Variants in ABTB1 observed in about 807,000 individuals in gnomAD.
The protein encoded by ABTB1 is ankyrin repeat and BTB domain containing 1.
ABTB1 carries 45 observed loss-of-function variants against 57.1 expected under a neutral mutation model. The observed-to-expected ratio is 0.79, with a 90% CI of 0.62 to 1.01. The LOEUF is 1.01. Among genes scored for constraint, ABTB1 ranks in the 50% least tolerant of loss-of-function variants. ABTB1 has a pLI of 0.00. For synonymous variants in ABTB1, 302 were observed against 275.4 expected (o/e 1.10, Z -0.95); for missense variants, 630 against 666.3 (o/e 0.95, Z 0.60).
intron 3 of ABTB1, among the ~76,000 whole-genome samples, chr3:127,675,096 C>T (rs1284749081): frequency 1.3e-5 from 2 of 152,078 alleles, no homozygotes; most frequent in Non-Finnish European, 2.9e-5. Context: ...CTGTTCCTGC[C>T]CCAGGGCCTT....
chr3:127,673,035 A>G lies in ABTB1; in HGVS notation c.10A>G (p.Ser4Gly). ...TACCATCCTCCGCGCCATGGACACC[A>G]GCGACCTGTTCGCCAGCTGCAGGAA... is the stretch of plus-strand genomic sequence containing the variant. MDT[S>G]DLFASCRKGD... Residue 4 changes from serine to glycine, a missense_variant, in exon 1 of 12, where the codon AGC becomes GGC. Around this residue, in one of 3 missense-constraint regions of ABTB1, gnomAD observed 579 missense variants for 585.9 expected, o/e 0.99. Transcript: ENST00000232744. 1 of 1,572,434 alleles carries G rather than the reference A, an allele frequency of 6.4e-7. No homozygotes were observed. The highest frequency in any genetic ancestry group is 1.8e-5 in the Admixed American group (1 of 56,334).
At position 127,676,685 on chromosome 3, in the gene ABTB1, A is replaced by C; in HGVS notation, c.526+104A>C. On this transcript the variant is annotated intron_variant, in intron 6 of 11. Coordinates refer to ENST00000232744, the MANE Select transcript of ABTB1 (RefSeq NM_172027.3). The surrounding 1 kb of genome is among the most constrained non-coding windows in gnomAD (Gnocchi z 5.4). ...CTGACCTTTCACCTCTAGACACTTCATGGTCCCCCCGGGGTGGTTCCAGCT... is the reference window on the plus strand; with the variant it reads ...CTGACCTTTCACCTCTAGACACTTCCTGGTCCCCCCGGGGTGGTTCCAGCT... 6.8e-7 allele frequency: 1 copy of C among 1,464,282 alleles called. No homozygotes were observed. Among genetic ancestry groups the C allele is most frequent in the Non-Finnish European group, 9.5e-7 (1 of 1,055,248 alleles). 90.7% of individuals were successfully genotyped at this position (1,464,282 alleles called of 1,614,324 possible).
intron 10 of ABTB1, chr3:127,679,140 G>T (rs369821814): frequency 8.9e-4 from 155 of 174,452 alleles, no homozygotes; most frequent in African/African-American, 3.5e-3. Context: ...TTGTCTCAGA[G>T]TGTGGCTTGG....
Position 127,674,582 on chromosome 3 carries a change from C to G in ABTB1, c.157C>G (p.Leu53Val). 2 of 1,614,194 alleles carry G rather than the reference C, an allele frequency of 1.2e-6. No homozygotes were observed. Among genetic ancestry groups the G allele is most frequent in the South Asian group, 2.2e-5 (2 of 91,086 alleles). Reference protein sequence around the residue: ...ACLCGHEELVLYLLANGARCE... With the variant: ...ACLCGHEELVVYLLANGARCE... ...CTTGTGTGGGCACGAGGAGCTGGTA[C>G]TCTACCTTCTGGCCAATGGTGAGAG... Residue 53 changes from leucine (L) to valine (V), a missense_variant, in exon 3 of 12, where the codon CTC becomes GTC. By Grantham distance (32) the Leu-to-Val change is conservative. Around this residue, in one of 3 missense-constraint regions of ABTB1, gnomAD observed 579 missense variants for 585.9 expected, o/e 0.99. Coordinates refer to ENST00000232744, the MANE Select transcript of ABTB1 (RefSeq NM_172027.3).
intron 10 of ABTB1, chr3:127,679,756 G>T: frequency 1.7e-6 from 1 of 596,124 alleles, no homozygotes. Flanking sequence ...CCTGCTCAGG[G>T]CATGGGAGAA....
In ABTB1 at chr3:127,676,645, C is replaced by T; in HGVS notation, c.526+64C>T. On this transcript the variant is annotated intron_variant, in intron 6 of 11. Coordinates refer to ENST00000232744, the MANE Select transcript of ABTB1 (RefSeq NM_172027.3). This position sits in a 1 kb window ranked among gnomAD's most constrained non-coding sequence, Gnocchi z 5.4. ...GCCGTCCTTCTGGACAGCAGTACAC[C>T]TAGGTGTGGCTGGGCTGACCTTTCA... 6.3e-7 allele frequency: 1 copy of T among 1,593,794 alleles called. No homozygotes were observed. The highest frequency in any genetic ancestry group is 1.1e-5 in the South Asian group (1 of 90,534).
rs1032065357 is a variant in ABTB1 at position 127,677,298 on chromosome 3, G to A, written c.762+12G>A. 9 of 1,587,512 alleles carry A rather than the reference G, an allele frequency of 5.7e-6. No homozygotes were observed. In the African/African-American group the frequency reaches 1.2e-4, roughly 21 times the overall value. On this transcript the variant is annotated intron_variant, in intron 8 of 11. Transcript: ENST00000232744. Reference sequence around the variant, plus strand: ...CCCCCGAGCTCCGAGTAAGTGCGGGGCTGGTGGGCAGGAAGGGCGTTTTGG... The same window carrying A: ...CCCCCGAGCTCCGAGTAAGTGCGGGACTGGTGGGCAGGAAGGGCGTTTTGG...
In ABTB1 at chr3:127,677,686, G is replaced by A; in HGVS notation, c.872G>A (p.Cys291Tyr). ...CSFLCHKAFF[C>Y]GRSDYFRALL... The stretch of plus-strand genomic sequence containing the variant: ...CCCGGCCTCCCCCAGGCCTTTTTCT[G>A]TGGCCGCAGTGACTACTTCCGAGCC... Residue 291 changes from cysteine (C) to tyrosine (Y), a missense_variant, in exon 10 of 12, where the codon TGT (cysteine) becomes TAT (tyrosine). Physicochemically the swap from Cys to Tyr is radical, Grantham distance 194. Transcript: ENST00000232744. The A allele has an allele frequency of 6.2e-7, 1 of 1,610,124 alleles. No individual in the cohort carries two copies. The highest frequency in any genetic ancestry group is 8.5e-7 in the Non-Finnish European group (1 of 1,178,136).
chr3:127,680,353 C>T lies in ABTB1; in HGVS notation c.1315C>T (p.Leu439=), dbSNP rs752513713. 63 of 1,609,240 alleles carry T rather than the reference C, an allele frequency of 3.9e-5. 1 individual carries two copies. The South Asian group carries it at 6.6e-4, about 17-fold the overall frequency. The change falls in exon 12 of 12, where the codon CTG becomes TTG. Residue 439 remains leucine, a synonymous_variant. Coordinates refer to ENST00000232744, the MANE Select transcript of ABTB1 (RefSeq NM_172027.3). ...AARQETDSIP[L]VDDIRFHVAS... is the part of the protein sequence containing the mutation. ...CCGGCAGGAGACGGACTCTATCCCG[C>T]TGGTGGACGACATCCGCTTCCACGT... is the stretch of plus-strand genomic sequence containing the variant.
In ABTB1 at chr3:127,680,708, G is replaced by A. The variant is rs750795845; in HGVS notation, c.*233G>A. On this transcript the variant is annotated 3_prime_UTR_variant, in exon 12 of 12. Transcript: ENST00000232744. ...AGCCAGCCCCCAAGACCCTGGGGGTGGACACCACTCAGGGAAACCTGGGGT... is the reference window on the plus strand; with the variant it reads ...AGCCAGCCCCCAAGACCCTGGGGGTAGACACCACTCAGGGAAACCTGGGGT... 3.9e-5 allele frequency: 27 copies of A among 693,492 alleles called. No homozygotes were observed. Among genetic ancestry groups the A allele is most frequent in the Non-Finnish European group, 6.1e-5 (24 of 391,262 alleles). The allele number at this position is 693,492 out of a possible 1,614,324, so 43.0% of individuals were successfully genotyped here. A position where few individuals can be genotyped will look rare whatever the true frequency, so the allele number is the denominator to read the frequency against.
intron 10 of ABTB1, 94 bp downstream of exon 10, chr3:127,677,937 C>G (rs776470068): frequency 4.7e-5 from 69 of 1,458,330 alleles, no homozygotes; most frequent in Non-Finnish European, 5.4e-5. Flanking sequence ...TGGAAGGGCC[C>G]AGCTGGCCCC....
In ABTB1 at chr3:127,676,367, A is replaced by G. The variant is rs1467704320; in HGVS notation, c.416A>G (p.Tyr139Cys). The change falls in exon 5 of 12, where the codon TAC (tyrosine) becomes TGC (cysteine). Residue 139 changes from tyrosine to cysteine, a missense_variant. Coordinates refer to ENST00000232744, the MANE Select transcript of ABTB1 (RefSeq NM_172027.3). The surrounding 1 kb of genome is among the most constrained non-coding windows in gnomAD (Gnocchi z 5.4). ...HRCVLGARSA[Y>C]FANMLDTKWK... Reference sequence around the variant, plus strand: ...TGCGTCCTGGGTGCACGTAGTGCCTACTTTGCCAACATGCTGGACACCAAA... The same window carrying G: ...TGCGTCCTGGGTGCACGTAGTGCCTGCTTTGCCAACATGCTGGACACCAAA... 3.1e-6 allele frequency: 5 copies of G among 1,614,170 alleles called. No individual in the cohort carries two copies. The South Asian group carries it at 5.5e-5, about 18-fold the overall frequency.
intron 1 of ABTB1, chr3:127,673,459 C>T: frequency 6.0e-6 from 1 of 167,038 alleles, no homozygotes; most frequent in Non-Finnish European, 1.3e-5. Context: ...GCCCCTTTCT[C>T]TCGTGCTCTC....
intron 1 of ABTB1, 41 bp downstream of exon 1, chr3:127,673,122 C>A: frequency 3.3e-6 from 5 of 1,495,426 alleles, no homozygotes; most frequent in Non-Finnish European, 4.5e-6. Context: ...GGGAGGTGGC[C>A]GCCCTCGGAA....
intron 10 of ABTB1, chr3:127,679,367 CTCTG>C (rs1218574595): frequency 1.1e-5 from 4 of 359,152 alleles, no homozygotes; most frequent in Non-Finnish European, 2.3e-5. Flanking sequence ...CTCCCCTTGT[CTCTG>C]TCTGCAGCTT....
In ABTB1 at chr3:127,677,090, G is replaced by A. The variant is rs1284229973; in HGVS notation, c.643+7G>A. The A allele has an allele frequency of 1.2e-6, 2 of 1,613,908 alleles. No individual in the cohort carries two copies. Among genetic ancestry groups the A allele is most frequent in the Admixed American group, 1.7e-5 (1 of 60,004 alleles). On this transcript the variant is annotated splice_region_variant and intron_variant, in intron 7 of 11. Transcript: ENST00000232744. ...GAGAAGGTGTCTGAGTTTGGTGCGA[G>A]CAGGGTTTGGGGCCCGGGGCCATGG...
Position 127,680,004 on chromosome 3 carries a change from A to T in ABTB1, c.1049A>T (p.Tyr350Phe). 6.2e-7 allele frequency: 1 copy of T among 1,613,596 alleles called. No homozygotes were observed. The highest frequency in any genetic ancestry group is 8.5e-7 in the Non-Finnish European group (1 of 1,180,008). Residue 350 changes from tyrosine (Y) to phenylalanine (F), a missense_variant, in exon 11 of 12, where the codon TAT becomes TTT. Physicochemically the swap from Tyr to Phe is conservative, Grantham distance 22. Coordinates refer to ENST00000232744, the MANE Select transcript of ABTB1 (RefSeq NM_172027.3). Reference sequence around the variant, plus strand: ...CTGCAGCTGTCCCCCGAGGCAGCCTATGATGTGCTGAGCGTCGCCGACATG... The same window carrying T: ...CTGCAGCTGTCCCCCGAGGCAGCCTTTGATGTGCTGAGCGTCGCCGACATG... The part of the protein sequence containing the change: ...DHTELSPEAA[Y>F]DVLSVADMYL...
At chr3:127,677,654 T>C (rs1222454194) in intron 9 of ABTB1, 22 bp from the exon 10 acceptor site, 1 of 1,611,882 alleles carries the variant, frequency 6.2e-7, no homozygotes, top group Non-Finnish European at 8.5e-7. Flanking sequence ...CCCTCACACT[T>C]CCTGAGCCCG....
At position 127,680,344 on chromosome 3, in the gene ABTB1, T is replaced by TCTATCCCG. The variant is rs1200773732; in HGVS notation, c.1309_1316dup (p.Val440SerfsTer21). ...TGTGGCAGCCCGGCAGGAGACGGACTCTATCCCGCTGGTGGACGACATCCG... is the reference window on the plus strand; with the variant it reads ...TGTGGCAGCCCGGCAGGAGACGGACTCTATCCCGCTATCCCGCTGGTGGACGACATCCG... On this transcript the variant is annotated frameshift_variant, in exon 12 of 12. Transcript: ENST00000232744. LOFTEE classifies it high-confidence loss of function. 1 of 1,609,586 alleles carries TCTATCCCG rather than the reference T, an allele frequency of 6.2e-7. No individual in the cohort carries two copies. The highest frequency in any genetic ancestry group is 1.3e-5 in the African/African-American group (1 of 74,898).
Sources: allele counts gnomAD v4.1 joint callset (sites outside exome capture counted in the v4.1 genomes callset), GRCh38; gene constraint gnomAD v4.1.1; regional missense constraint gnomAD v4.1.1; non-coding constraint Gnocchi (gnomAD v3.1); transcripts MANE v1.5; gene names NCBI Gene and HGNC (gene_info 2026-07-23, HGNC 2026-07-21).